Variants in NETO1 observed in about 807,000 individuals in gnomAD.
The protein encoded by NETO1 is neuropilin and tolloid like 1.
A neutral mutation model predicts 61.3 loss-of-function variants in NETO1; 26 were observed. That is an observed-to-expected ratio of 0.42 (90% CI 0.31 to 0.59). The LOEUF is 0.59. Among genes scored for constraint, NETO1 ranks in the 20% least tolerant of loss-of-function variants. The probability of loss-of-function intolerance (pLI) is 0.12; values close to 1 mark genes in which losing one functional copy is unlikely to be tolerated. For synonymous variants in NETO1, 225 were observed against 225.8 expected, an observed-to-expected ratio of 1.00 and a Z score of 0.03; for missense variants, 531 against 662.8, an observed-to-expected ratio of 0.80 and a Z score of 2.18.
chr18:72,867,453 C>T lies in NETO1; in HGVS notation c.-162G>A, dbSNP rs2074776343. The T allele has an allele frequency of 2.3e-6, 1 of 436,742 alleles. No individual in the cohort carries two copies. Among genetic ancestry groups the T allele is most frequent in the Admixed American group, 4.3e-5 (1 of 23,150 alleles). The allele number at this position is 436,742 out of a possible 1,614,324, so 27.1% of individuals were successfully genotyped here. On this transcript the variant is annotated 5_prime_UTR_variant, in exon 1 of 11. Coordinates refer to ENST00000327305, the MANE Select transcript of NETO1 (RefSeq NM_138966.5). Reference sequence around the variant, plus strand: ...GGAGACCGAGAGGAAGGGGGAGCTCCGAGCCCACGCTGCAGCCAGATCCGG... The same window carrying T: ...GGAGACCGAGAGGAAGGGGGAGCTCTGAGCCCACGCTGCAGCCAGATCCGG...
At chr18:72,854,846 A>G (rs1022396222) in intron 4 of NETO1, among the ~76,000 whole-genome samples, 1 of 150,168 alleles carries the variant, frequency 6.7e-6, no homozygotes, top group African/African-American at 2.4e-5. Flanking sequence ...AAATTAAAGC[A>G]TTATCAATAA....
chr18:72,800,577 A>G (rs527676888), intron 4 of NETO1, among the ~76,000 whole-genome samples: 65 of 152,302 alleles, frequency 4.3e-4, no homozygotes, highest in Non-Finnish European at 8.1e-4. Flanking sequence ...CTCATTATAT[A>G]TTACTATGTA....
intron 4 of NETO1, among the ~76,000 whole-genome samples, chr18:72,810,370 A>C (rs921366981): frequency 6.6e-6 from 1 of 152,282 alleles, no homozygotes; most frequent in Non-Finnish European, 1.5e-5. Context: ...TGAAAGAATT[A>C]TCTCTAGAAA....
intron 6 of NETO1, among the ~76,000 whole-genome samples, chr18:72,785,471 G>A (rs2071882124): frequency 6.6e-6 from 1 of 152,012 alleles, no homozygotes; most frequent in African/African-American, 2.4e-5. Flanking sequence ...CAGCCCCAAA[G>A]TTTACTCTAA....
intron 7 of NETO1, 133 bp downstream of exon 7, chr18:72,783,545 T>C (rs917467431): frequency 1.2e-5 from 8 of 695,202 alleles, no homozygotes; most frequent in Non-Finnish European, 1.9e-5. Context: ...AAAGAGGACC[T>C]TAGTGGTTTA....
chr18:72,783,888 C>T lies in NETO1; in HGVS notation c.658G>A (p.Asp220Asn). 6.2e-7 allele frequency: 1 copy of T among 1,612,526 alleles called. No homozygotes were observed. The highest frequency in any genetic ancestry group is 8.5e-7 in the Non-Finnish European group (1 of 1,178,646). The change falls in exon 7 of 11, where the codon GAC becomes AAC. Residue 220 changes from aspartate (D) to asparagine (N), a missense_variant. Physicochemically the swap from Asp to Asn is conservative, Grantham distance 23 (BLOSUM62 1). Transcript: ENST00000327305. ...TCATTTGAATTCTGCATCTCATAGT[C>T]CAAGAATCGTAAGTAAATCTATAAA... is the stretch of plus-strand genomic sequence containing the variant. ...PRSKIYLRFL[D>N]YEMQNSNECK...
At chr18:72,742,981 C>A (rs1432346229), downstream of NETO1, among the ~76,000 whole-genome samples, 4 of 152,140 alleles carry the variant, frequency 2.6e-5, no homozygotes, top group African/African-American at 4.8e-5. Flanking sequence ...CTGCCCGTTA[C>A]TCTTTCTCAT....
intron 8 of NETO1, among the ~76,000 whole-genome samples, chr18:72,750,828 A>G (rs2070579436): frequency 6.7e-6 from 1 of 148,462 alleles, no homozygotes; most frequent in Non-Finnish European, 1.5e-5. Flanking sequence ...GAGCAGCCTT[A>G]AAAATAGCCC....
At chr18:72,789,832 C>T (rs2072053630) in intron 6 of NETO1, among the ~76,000 whole-genome samples, 2 of 152,146 alleles carry the variant, frequency 1.3e-5, no homozygotes, top group African/African-American at 2.4e-5. Context: ...TTTTAAAGGG[C>T]TCGTGTGCTT....
intron 7 of NETO1, among the ~76,000 whole-genome samples, chr18:72,769,850 A>G (rs1186819021): frequency 1.3e-5 from 2 of 152,098 alleles, no homozygotes; most frequent in African/African-American, 4.8e-5. Flanking sequence ...TCCCAGAACC[A>G]TTTAACCAAT....
intron 7 of NETO1, among the ~76,000 whole-genome samples, chr18:72,769,203 G>T (rs1361129180): frequency 6.6e-6 from 1 of 152,118 alleles, no homozygotes; most frequent in Admixed American, 6.5e-5. Context: ...TTACCAAAGT[G>T]AATTCAAGGG....
intron 4 of NETO1, among the ~76,000 whole-genome samples, chr18:72,814,927 C>CA (rs1178952557): frequency 2.1e-5 from 3 of 145,614 alleles, no homozygotes; most frequent in Admixed American, 6.8e-5. Flanking sequence ...CAGAGCTTAT[C>CA]AAAGAAAAAA....
chr18:72,769,560 T>C (rs2071276937), intron 7 of NETO1, among the ~76,000 whole-genome samples: 1 of 152,170 alleles, frequency 6.6e-6, no homozygotes, highest in Non-Finnish European at 1.5e-5. Context: ...TAAAAAAGTG[T>C]TTACCAAACC....
intron 4 of NETO1, among the ~76,000 whole-genome samples, chr18:72,803,315 CAAAT>C (rs1239334621): frequency 1.3e-5 from 2 of 152,068 alleles, no homozygotes; most frequent in Non-Finnish European, 2.9e-5. Context: ...CAATAACTGC[CAAAT>C]AAATAATGCA....
At chr18:72,860,745 T>TC (rs2074546546) in intron 3 of NETO1, among the ~76,000 whole-genome samples, 1 of 135,894 alleles carries the variant, frequency 7.4e-6, no homozygotes, top group Admixed American at 7.5e-5. Flanking sequence ...TTTTTTCTTT[T>TC]CTTTTTTTTG....
intron 7 of NETO1, among the ~76,000 whole-genome samples, chr18:72,782,431 A>G (rs1037982431): frequency 3.3e-5 from 5 of 152,190 alleles, no homozygotes; most frequent in Non-Finnish European, 4.4e-5. Flanking sequence ...GAACTAGTTT[A>G]CATTCCCACC....
chr18:72,788,903 G>C (rs1598999370), intron 6 of NETO1, among the ~76,000 whole-genome samples: 1 of 151,990 alleles, frequency 6.6e-6, no homozygotes, highest in East Asian at 1.9e-4. Context: ...ACAGAAAATA[G>C]ACATTATTTG....
At position 72,747,654 on chromosome 18, in the gene NETO1, A is replaced by G. The variant is rs1240074099; in HGVS notation, c.*525T>C. ...ATATAATAATAGGTGTGTATAGTCC[A>G]TAACCTCTAGCTGGTGATTCCATGG... On this transcript the variant is annotated 3_prime_UTR_variant, in exon 11 of 11. Transcript: ENST00000327305. 6.6e-6 allele frequency: 1 copy of G among 152,146 alleles called. No homozygotes were observed. Among genetic ancestry groups the G allele is most frequent in the Admixed American group, 6.6e-5 (1 of 15,262 alleles). The allele number at this position is 152,146 out of a possible 1,614,324, so 9.4% of individuals were successfully genotyped here.
Position 72,745,303 on chromosome 18 carries a change from C to T in NETO1, c.*2876G>A, listed in dbSNP as rs946270893. On this transcript the variant is annotated 3_prime_UTR_variant, in exon 11 of 11. Transcript: ENST00000327305. Reference sequence around the variant, plus strand: ...TCCAAATTAGAACCTTGAAATTAGGCAACTACAATACATTTGGACAGAAGT... The same window carrying T: ...TCCAAATTAGAACCTTGAAATTAGGTAACTACAATACATTTGGACAGAAGT... 1 of 152,018 alleles carries T rather than the reference C, an allele frequency of 6.6e-6. No homozygotes were observed. Among genetic ancestry groups the T allele is most frequent in the Non-Finnish European group, 1.5e-5 (1 of 67,992 alleles). 9.4% of individuals were successfully genotyped at this position (152,018 alleles called of 1,614,324 possible).
Sources: allele counts gnomAD v4.1 joint callset (sites outside exome capture counted in the v4.1 genomes callset), GRCh38; gene constraint gnomAD v4.1.1; transcripts MANE v1.5; gene names NCBI Gene and HGNC (gene_info 2026-07-23, HGNC 2026-07-21).